Variants in EBF3 observed in about 807,000 individuals in gnomAD.
EBF3 encodes the protein EBF transcription factor 3.
In EBF3, 18 loss-of-function variants were observed where a neutral mutation model predicts 77.1. That is an observed-to-expected ratio of 0.23 (90% CI 0.16 to 0.35). The LOEUF (loss-of-function observed/expected upper bound fraction) is 0.35, where lower values mean the gene tolerates loss of function less well. Ranked by LOEUF, EBF3 falls within the 10% of genes least tolerant of loss-of-function variation. The probability of loss-of-function intolerance (pLI) is 1.00; values close to 1 mark genes in which losing one functional copy is unlikely to be tolerated. For missense variants in EBF3, 558 were observed against 860.0 expected (o/e 0.65, Z 4.39); for synonymous variants, 350 against 343.5 (o/e 1.02, Z -0.21).
intron 6 of EBF3, among the ~76,000 whole-genome samples, chr10:129,956,014 A>G (rs761591576): frequency 2.8e-4 from 43 of 152,380 alleles, no homozygotes; most frequent in Non-Finnish European, 1.0e-4. Context: ...CGAGTTCTAT[A>G]AAGTGTTGAA....
rs2134664317 is a variant in EBF3, at chr10:129,963,984, G to A, written c.-216C>T. ...CCAGGGGCGCGGAGGCGGCTCCACCGGCGGCGGCGGCGCTTCGAAGGAGCA... is the reference window on the plus strand; with the variant it reads ...CCAGGGGCGCGGAGGCGGCTCCACCAGCGGCGGCGGCGCTTCGAAGGAGCA... On this transcript the variant is annotated 5_prime_UTR_variant, in exon 1 of 17. Transcript: ENST00000440978. The surrounding 1 kb of genome is among the most constrained non-coding windows in gnomAD (Gnocchi z 7.1). 1 of 1,016,370 alleles carries A rather than the reference G, an allele frequency of 9.8e-7. No individual in the cohort carries two copies. The highest frequency in any genetic ancestry group is 1.2e-6 in the Non-Finnish European group (1 of 851,718). 63.0% of individuals were successfully genotyped at this position (1,016,370 alleles called of 1,614,324 possible). A position where few individuals can be genotyped will look rare whatever the true frequency, so the allele number is the denominator to read the frequency against.
intron 14 of EBF3, 85 bp downstream of exon 14, chr10:129,840,759 C>G: frequency 3.9e-6 from 6 of 1,521,182 alleles, no homozygotes; most frequent in Non-Finnish European, 5.3e-6. Context: ...TAGCTCACAT[C>G]ACAGAACATC....
At chr10:129,945,117 A>AAGGGAGG (rs1858093906) in intron 6 of EBF3, among the ~76,000 whole-genome samples, 1 of 11,126 alleles carries the variant, frequency 9.0e-5, no homozygotes, top group Non-Finnish European at 1.7e-4. Context: ...AAGGGGGGGG[A>AAGGGAGG]GGTGAAGGGA....
chr10:129,843,489 G>A (rs1414332181), intron 11 of EBF3: 12 of 378,916 alleles, frequency 3.2e-5, no homozygotes, highest in Middle Eastern at 3.4e-4. Flanking sequence ...GGCGGAGAAC[G>A]AGCCCAATCC....
rs950411453 is a variant in EBF3, at chr10:129,947,397, T to C, written c.554+9861A>G. 1.3e-5 allele frequency among the ~76,000 whole-genome samples: 2 copies of C among 152,218 alleles called. No homozygotes were observed. Among genetic ancestry groups the C allele is most frequent in the African/African-American group, 4.8e-5 (2 of 41,456 alleles). ...GCAATGGCTAAAGCTGGCCTAACAT[T>C]TTGTTTGGCAATTAGGAAAATTTGT... On this transcript the variant is annotated intron_variant, in intron 6 of 16. Transcript: ENST00000440978. This position sits in a 1 kb window ranked among gnomAD's most constrained non-coding sequence, Gnocchi z 4.5.
In EBF3 at chr10:129,841,110, A is replaced by G. The variant is rs1288869557; in HGVS notation, c.1373-78T>C. The G allele has an allele frequency of 6.5e-6, 10 of 1,547,028 alleles. No individual in the cohort carries two copies. The highest frequency in any genetic ancestry group is 2.4e-4 in the Middle Eastern group (1 of 4,198). The stretch of plus-strand genomic sequence containing the variant: ...CTTGGGGGGGGTTCCCCGAGAATCT[A>G]TATCATATATTAACATTGCTAATTG... On this transcript the variant is annotated intron_variant, in intron 13 of 16. Transcript: ENST00000440978. The surrounding 1 kb of genome is among the most constrained non-coding windows in gnomAD (Gnocchi z 4.6).
chr10:129,958,902 C>T (rs751682551), intron 5 of EBF3, 32 bp downstream of exon 5: 1 of 1,580,724 alleles, frequency 6.3e-7, no homozygotes, highest in Admixed American at 1.8e-5. Flanking sequence ...CGAGGCAGCC[C>T]GCGCCCCCGC....
rs1356804829 is a variant in EBF3, at chr10:129,963,298, C to T, written c.291+69G>A. On this transcript the variant is annotated intron_variant, in intron 2 of 16. Coordinates refer to ENST00000440978, the MANE Select transcript of EBF3 (RefSeq NM_001375380.1). The surrounding 1 kb of genome is among the most constrained non-coding windows in gnomAD (Gnocchi z 7.1). ...GCCGCCTAGGGGGGCACTCGAACCC[C>T]CGCGCACCGGCACCGCCTGCCTCCC... 5 of 1,544,434 alleles carry T rather than the reference C, an allele frequency of 3.2e-6. No individual in the cohort carries two copies. Among genetic ancestry groups the T allele is most frequent in the Non-Finnish European group, 4.4e-6 (5 of 1,148,184 alleles).
At chr10:129,911,934 G>A (rs1855552047) in intron 6 of EBF3, among the ~76,000 whole-genome samples, 1 of 152,152 alleles carries the variant, frequency 6.6e-6, no homozygotes, top group Admixed American at 6.5e-5. Context: ...ATGCATGGCT[G>A]CTTCCTCCCC....
Position 129,935,552 on chromosome 10 carries a change from T to A in EBF3, c.554+21706A>T, listed in dbSNP as rs78253238. Reference sequence around the variant, plus strand: ...CCAACTGCGGAGCACCAAGCACCCATATGTAAGGCATGGGGTTAGATACAT... The same window carrying A: ...CCAACTGCGGAGCACCAAGCACCCAAATGTAAGGCATGGGGTTAGATACAT... On this transcript the variant is annotated intron_variant, in intron 6 of 16. Coordinates refer to ENST00000440978, the MANE Select transcript of EBF3 (RefSeq NM_001375380.1). The surrounding 1 kb of genome is among the most constrained non-coding windows in gnomAD (Gnocchi z 4.2). Among the ~76,000 whole-genome samples, 386 of 152,196 alleles carry A rather than the reference T, an allele frequency of 2.5e-3. 2 individuals are homozygous for A. Among genetic ancestry groups the A allele is most frequent in the African/African-American group, 9.1e-3 (376 of 41,528 alleles).
chr10:129,905,170 T>A (rs1855054294), intron 6 of EBF3, among the ~76,000 whole-genome samples: 1 of 152,154 alleles, frequency 6.6e-6, no homozygotes, highest in Non-Finnish European at 1.5e-5. Context: ...AAAGTGTAGC[T>A]CTGTCCTGAC....
chr10:129,917,668 A>AAAAAC (rs1855982391), intron 6 of EBF3, among the ~76,000 whole-genome samples: 2 of 149,738 alleles, frequency 1.3e-5, no homozygotes, highest in Admixed American at 1.3e-4. Flanking sequence ...AAAAAAAAAA[A>AAAAAC]AAAAAAAAAA....
At chr10:129,858,896 G>A (rs76954295) in intron 10 of EBF3, among the ~76,000 whole-genome samples, 4,539 of 152,248 alleles carry the variant, frequency 0.03, 99 homozygotes, top group East Asian at 0.074. Context: ...CCCCGGCCAC[G>A]CAGTACCTCT....
At chr10:129,881,518 C>T (rs965223723) in intron 6 of EBF3, among the ~76,000 whole-genome samples, 2 of 152,182 alleles carry the variant, frequency 1.3e-5, no homozygotes, top group Admixed American at 1.3e-4. Flanking sequence ...CACTCGGAAA[C>T]AGCCCACAGA....
chr10:129,914,682 C>G (rs570482819), intron 6 of EBF3, among the ~76,000 whole-genome samples: 63 of 152,276 alleles, frequency 4.1e-4, no homozygotes, highest in African/African-American at 1.4e-3. Context: ...TCTGAAAGCA[C>G]GGGGCAGGGC....
At chr10:129,953,273 A>C (rs149998418) in intron 6 of EBF3, among the ~76,000 whole-genome samples, 1 of 152,176 alleles carries the variant, frequency 6.6e-6, no homozygotes, top group African/African-American at 2.4e-5. Flanking sequence ...TAAGCAAATA[A>C]TATTTCCCTA....
chr10:129,963,564 C>A lies in EBF3; in HGVS notation c.135-41G>T. The A allele has an allele frequency of 2.3e-6, 3 of 1,310,990 alleles. No homozygotes were observed. The highest frequency in any genetic ancestry group is 2.9e-6 in the Non-Finnish European group (3 of 1,022,338). 81.2% of individuals were successfully genotyped at this position (1,310,990 alleles called of 1,614,324 possible). A position where few individuals can be genotyped will look rare whatever the true frequency, so the allele number is the denominator to read the frequency against. On this transcript the variant is annotated intron_variant, in intron 1 of 16. Coordinates refer to ENST00000440978, the MANE Select transcript of EBF3 (RefSeq NM_001375380.1). This position sits in a 1 kb window ranked among gnomAD's most constrained non-coding sequence, Gnocchi z 7.1. ...GACAGCGGCCCGGTGAGGAGCGCGGCGCCGGCCGGCGGAGGGGGCCGGGCC... is the reference window on the plus strand; with the variant it reads ...GACAGCGGCCCGGTGAGGAGCGCGGAGCCGGCCGGCGGAGGGGGCCGGGCC...
intron 6 of EBF3, among the ~76,000 whole-genome samples, chr10:129,896,259 C>T (rs574173446): frequency 2.6e-5 from 4 of 152,366 alleles, no homozygotes; most frequent in East Asian, 3.9e-4. Flanking sequence ...GGCCGGCTGC[C>T]GGATGTCAGG....
intron 3 of EBF3, 127 bp from the exon 4 acceptor site, chr10:129,962,353 C>G: frequency 1.3e-6 from 1 of 786,454 alleles, no homozygotes; most frequent in South Asian, 1.6e-5. Context: ...TTAGGCAATC[C>G]CTTTGAAAGG....
Sources: allele counts gnomAD v4.1 joint callset (sites outside exome capture counted in the v4.1 genomes callset), GRCh38; gene constraint gnomAD v4.1.1; non-coding constraint Gnocchi (gnomAD v3.1); transcripts MANE v1.5; gene names NCBI Gene and HGNC (gene_info 2026-07-23, HGNC 2026-07-21).